MYT1L: variants seen among roughly 807,000 people sequenced by gnomAD.
MYT1L encodes the protein myelin transcription factor 1-like protein.
A neutral mutation model predicts 126.7 loss-of-function variants in MYT1L; 12 were observed. The ratio of observed to expected loss-of-function variants is 0.09; its 90% confidence interval spans 0.06 to 0.15. The LOEUF (loss-of-function observed/expected upper bound fraction) is 0.15. MYT1L is among the 10% of genes least tolerant of loss of function. MYT1L has a pLI of 1.00. For missense variants in MYT1L, 979 were observed against 1,585.2 expected, an observed-to-expected ratio of 0.62 and a Z score of 6.49; for synonymous variants, 541 against 604.2, an observed-to-expected ratio of 0.90 and a Z score of 1.53.
At chr2:1,970,330 T>C (rs562749157) in intron 8 of MYT1L, among the ~76,000 whole-genome samples, 53 of 152,176 alleles carry the variant, frequency 3.5e-4, no homozygotes, top group Non-Finnish European at 6.2e-4. Context: ...CCAGAAGTAT[T>C]TGCCGTGAGT....
intron 3 of MYT1L, among the ~76,000 whole-genome samples, chr2:2,060,655 C>A (rs2070295314): frequency 6.7e-6 from 1 of 149,468 alleles, no homozygotes; most frequent in Admixed American, 6.7e-5. Context: ...CGCTGTCTCT[C>A]TCCCTGTCTC....
intron 1 of MYT1L, among the ~76,000 whole-genome samples, chr2:2,309,608 A>T (rs1247936807): frequency 6.6e-6 from 1 of 151,108 alleles, no homozygotes; most frequent in East Asian, 2.0e-4. Flanking sequence ...GTACTCTATC[A>T]TCTACACTCC....
intron 4 of MYT1L, among the ~76,000 whole-genome samples, chr2:2,038,391 G>A (rs1222157628): frequency 2.0e-5 from 3 of 152,114 alleles, no homozygotes; most frequent in African/African-American, 4.8e-5. Context: ...GACACCATCA[G>A]ATCTAACATC....
At chr2:1,792,270 T>A (rs888460697) in intron 24 of MYT1L, 51 bp downstream of exon 24, 8 of 1,546,794 alleles carry the variant, frequency 5.2e-6, no homozygotes, top group Admixed American at 1.9e-5. Flanking sequence ...TACTTTAGGC[T>A]GTGCGCTGTG....
chr2:1,850,929 C>T lies in MYT1L; in HGVS notation c.2774+712G>A, dbSNP rs537177116. The stretch of plus-strand genomic sequence containing the variant: ...CCGACTACAGGAGCTCATTGCATGG[C>T]GCCTGGACCTCTTGCCCTGCCCACC... On this transcript the variant is annotated intron_variant, in intron 19 of 24. Transcript: ENST00000647738. Among the ~76,000 whole-genome samples the T allele has an allele frequency of 5.3e-5, 8 of 152,264 alleles. No individual in the cohort carries two copies. The South Asian group carries it at 6.2e-4, about 12-fold the overall frequency.
chr2:1,833,269 G>A (rs546816394), intron 21 of MYT1L, among the ~76,000 whole-genome samples: 18 of 152,280 alleles, frequency 1.2e-4, no homozygotes, highest in South Asian at 1.0e-3. Flanking sequence ...TTCTGGGCTC[G>A]GGGAGTGAGT....
chr2:1,964,222 G>A (rs974038103), intron 8 of MYT1L, among the ~76,000 whole-genome samples: 6 of 152,178 alleles, frequency 3.9e-5, no homozygotes, highest in Non-Finnish European at 7.3e-5. Flanking sequence ...CAGCATTTAC[G>A]GATTAAGTTT....
chr2:2,113,404 G>A (rs904210361), intron 3 of MYT1L, among the ~76,000 whole-genome samples: 9 of 152,144 alleles, frequency 5.9e-5, no homozygotes, highest in African/African-American at 1.2e-4. Flanking sequence ...ACAGGCACGC[G>A]CTCCGTCCAA....
At chr2:2,108,274 C>T (rs1029471254) in intron 3 of MYT1L, among the ~76,000 whole-genome samples, 4 of 152,200 alleles carry the variant, frequency 2.6e-5, no homozygotes, top group African/African-American at 9.7e-5. Context: ...TGTGGCCACA[C>T]TGCGTATGCT....
chr2:2,237,363 GA>G (rs1276699481), intron 2 of MYT1L, among the ~76,000 whole-genome samples: 2 of 152,132 alleles, frequency 1.3e-5, no homozygotes, highest in Admixed American at 6.6e-5. Flanking sequence ...AAGCCAAGTT[GA>G]AACCAGGGCA....
chr2:2,327,451 C>G (rs2096256538), intron 1 of MYT1L, among the ~76,000 whole-genome samples: 1 of 152,044 alleles, frequency 6.6e-6, no homozygotes, highest in African/African-American at 2.4e-5. Flanking sequence ...CTAAAGAATA[C>G]TACACAACTT....
intron 15 of MYT1L, among the ~76,000 whole-genome samples, chr2:1,890,318 C>T (rs984928136): frequency 4.6e-5 from 7 of 152,138 alleles, no homozygotes; most frequent in Non-Finnish European, 1.0e-4. Flanking sequence ...AGTGATCCAG[C>T]CGCCTCAGCC....
intron 15 of MYT1L, 82 bp downstream of exon 15, chr2:1,891,955 A>C (rs1053908864): frequency 3.3e-5 from 48 of 1,435,306 alleles, no homozygotes; most frequent in African/African-American, 4.4e-5. Flanking sequence ...CTGCCCCGAA[A>C]GCGCCGCGTG....
At chr2:2,100,574 G>T (rs1468816630) in intron 3 of MYT1L, among the ~76,000 whole-genome samples, 1 of 152,108 alleles carries the variant, frequency 6.6e-6, no homozygotes, top group African/African-American at 2.4e-5. Context: ...ATTGTCCATG[G>T]ACACTGGTCT....
chr2:1,858,510 G>A (rs930374744), intron 18 of MYT1L, among the ~76,000 whole-genome samples: 1 of 152,194 alleles, frequency 6.6e-6, no homozygotes, highest in Non-Finnish European at 1.5e-5. Flanking sequence ...ATTAAGAATT[G>A]TATGTAATCC....
intron 2 of MYT1L, among the ~76,000 whole-genome samples, chr2:2,251,953 C>T (rs908190716): frequency 6.6e-6 from 1 of 151,796 alleles, no homozygotes; most frequent in South Asian, 2.1e-4. Context: ...AAAAAGGGAA[C>T]GGCAAGGCAA....
chr2:2,047,942 C>T (rs1051531633), intron 4 of MYT1L, among the ~76,000 whole-genome samples: 1 of 152,184 alleles, frequency 6.6e-6, no homozygotes, highest in African/African-American at 2.4e-5. Context: ...TCTTTCCAGG[C>T]TTCTAGAAGA....
At chr2:2,266,413 G>A (rs562121724) in intron 2 of MYT1L, among the ~76,000 whole-genome samples, 5 of 152,278 alleles carry the variant, frequency 3.3e-5, no homozygotes, top group African/African-American at 7.2e-5. Flanking sequence ...GAGGATGGGA[G>A]TGCCTAAGTC....
intron 18 of MYT1L, among the ~76,000 whole-genome samples, chr2:1,876,464 C>T (rs2046924086): frequency 6.6e-6 from 1 of 152,072 alleles, no homozygotes; most frequent in South Asian, 2.1e-4. Context: ...ACTCTCCACA[C>T]AGCTCCTGCA....
Sources: allele counts gnomAD v4.1 joint callset (sites outside exome capture counted in the v4.1 genomes callset), GRCh38; gene constraint gnomAD v4.1.1; transcripts MANE v1.5; gene names NCBI Gene and HGNC (gene_info 2026-07-23, HGNC 2026-07-21).